Variants in PDZD2 observed in about 807,000 individuals in gnomAD.
PDZD2 encodes the protein PDZ domain-containing protein 2.
Under a neutral mutation model 220.7 loss-of-function variants are expected in PDZD2, and 90 were observed. The observed-to-expected ratio is 0.41, with a 90% confidence interval of 0.34 to 0.49. PDZD2 has a LOEUF of 0.49. Ranked by LOEUF, PDZD2 falls within the 20% of genes least tolerant of loss-of-function variation. The pLI, the probability that PDZD2 is intolerant of heterozygous loss-of-function variation, is 0.28. For synonymous variants in PDZD2, 1,375 were observed against 1,450.5 expected (o/e 0.95, Z 1.18); for missense variants, 3,174 against 3,608.5 (o/e 0.88, Z 3.08).
At chr5:31,748,111 G>A (rs957398347) in intron 1 of PDZD2, 6 of 152,190 alleles carry the variant, frequency 3.9e-5, no homozygotes, top group Non-Finnish European at 8.8e-5. Flanking sequence ...TGTCTAGTTG[G>A]CTGTCTTCCT....
At position 31,646,011 on chromosome 5, in the gene PDZD2, G is replaced by A. The variant is rs1745123364; in HGVS notation, c.-361+6574G>A. ...CTCCGGGCATCCCCAGGCAGCTGGT[G>A]GGAGGAGAGAGGGTGTCAGGGAGCT... On this transcript the variant is annotated intron_variant, in intron 1 of 24. Coordinates refer to ENST00000438447, the MANE Select transcript of PDZD2 (RefSeq NM_178140.4). The surrounding 1 kb of genome is among the most constrained non-coding windows in gnomAD (Gnocchi z 4.7). Among the ~76,000 whole-genome samples, 1 of 146,318 alleles carries A rather than the reference G, an allele frequency of 6.8e-6. No homozygotes were observed. The highest frequency in any genetic ancestry group is 2.3e-4 in the South Asian group (1 of 4,356).
At chr5:31,846,179 G>T (rs969375977) in intron 2 of PDZD2, among the ~76,000 whole-genome samples, 4 of 152,188 alleles carry the variant, frequency 2.6e-5, no homozygotes, top group African/African-American at 7.2e-5. Context: ...TGTTGCCCAG[G>T]CTTGAGTGCA....
intron 3 of PDZD2, among the ~76,000 whole-genome samples, chr5:31,991,628 A>G (rs1469302555): frequency 2.6e-5 from 4 of 152,362 alleles, no homozygotes; most frequent in Non-Finnish European, 5.9e-5. Flanking sequence ...ATATCGTTAT[A>G]TTTAAGTTGG....
intron 3 of PDZD2, among the ~76,000 whole-genome samples, chr5:31,985,099 C>A (rs1216378167): frequency 1.5e-5 from 2 of 133,374 alleles, no homozygotes; most frequent in East Asian, 3.9e-4. Flanking sequence ...TATAAGTTCC[C>A]CCAAAAAGGA....
chr5:31,657,863 A>AG (rs1260762741), intron 1 of PDZD2, among the ~76,000 whole-genome samples: 1 of 152,204 alleles, frequency 6.6e-6, no homozygotes, highest in Non-Finnish European at 1.5e-5. Flanking sequence ...CATTAGTAGA[A>AG]GAGATGTACA....
chr5:31,936,877 C>G (rs1745784519), intron 2 of PDZD2, among the ~76,000 whole-genome samples: 1 of 152,196 alleles, frequency 6.6e-6, no homozygotes, highest in Non-Finnish European at 1.5e-5. Flanking sequence ...TCCATTAAGG[C>G]AGGCTGCCTC....
chr5:31,686,150 G>T (rs1173741655), intron 1 of PDZD2, among the ~76,000 whole-genome samples: 1 of 151,740 alleles, frequency 6.6e-6, no homozygotes, highest in Non-Finnish European at 1.5e-5. Flanking sequence ...CTTGAACCTG[G>T]GAGGCAGAGG....
intron 1 of PDZD2, among the ~76,000 whole-genome samples, chr5:31,693,996 G>A (rs1016521929): frequency 1.2e-4 from 19 of 152,290 alleles, no homozygotes; most frequent in African/African-American, 3.9e-4. Flanking sequence ...CATTAACTGC[G>A]TCATAACTGC....
rs776271275 is a variant in PDZD2, at chr5:31,865,621, C to CTTTTT, written c.476+65923_476+65927dup. 1.6e-4 allele frequency among the ~76,000 whole-genome samples: 11 copies of CTTTTT among 67,798 alleles called. 1 individual carries two copies. The highest frequency in any genetic ancestry group is 4.9e-4 in the African/African-American group (6 of 12,260). 44.5% of individuals were successfully genotyped at this position (67,798 alleles called of 152,430 possible). A position where few individuals can be genotyped will look rare whatever the true frequency, so the allele number is the denominator to read the frequency against. On this transcript the variant is annotated intron_variant, in intron 2 of 24. Coordinates refer to ENST00000438447, the MANE Select transcript of PDZD2 (RefSeq NM_178140.4). ...GCCTGTAATCTGTGTCTACTGGCAACTTTTTTTTTTTTTTTTTTTTTTTTT... is the reference window on the plus strand; with the variant it reads ...GCCTGTAATCTGTGTCTACTGGCAACTTTTTTTTTTTTTTTTTTTTTTTTTTTTTT...
chr5:31,790,060 C>T (rs139359584), intron 1 of PDZD2, among the ~76,000 whole-genome samples: 41 of 152,198 alleles, frequency 2.7e-4, no homozygotes, highest in African/African-American at 9.4e-4. Context: ...GGAAGGAACT[C>T]CTTGTTTATG....
chr5:31,994,661 A>AT lies in PDZD2; in HGVS notation c.979-909dup, dbSNP rs1432978335. Among the ~76,000 whole-genome samples, 16 of 151,456 alleles carry AT rather than the reference A, an allele frequency of 1.1e-4. No homozygotes were observed. The East Asian group carries it at 2.8e-3, about 26-fold the overall frequency. ...CCATGATGCCCAGCTAATTTGTTGT[A>AT]TTTTTTGTAGAGACGGGGTTTCACC... On this transcript the variant is annotated intron_variant, in intron 3 of 24. Coordinates refer to ENST00000438447, the MANE Select transcript of PDZD2 (RefSeq NM_178140.4).
At chr5:32,086,661 G>A (rs1019574320) in intron 19 of PDZD2, among the ~76,000 whole-genome samples, 45 of 136,352 alleles carry the variant, frequency 3.3e-4, no homozygotes, top group African/African-American at 1.0e-3. Flanking sequence ...ACAGAACGCC[G>A]TTTTGTTGTT....
At chr5:31,771,311 GCTAC>G (rs1308466978) in intron 1 of PDZD2, among the ~76,000 whole-genome samples, 1 of 152,216 alleles carries the variant, frequency 6.6e-6, no homozygotes, top group African/African-American at 2.4e-5. Flanking sequence ...TCTTGTGCAT[GCTAC>G]CTGTCATCCC....
At chr5:31,935,731 C>G (rs1190498331) in intron 2 of PDZD2, among the ~76,000 whole-genome samples, 2 of 152,212 alleles carry the variant, frequency 1.3e-5, no homozygotes, top group African/African-American at 4.8e-5. Context: ...CTTCACTGAT[C>G]ATCCTAGCTT....
rs543796027 is a variant in PDZD2, at chr5:31,745,947, G to A, written c.-360-52942G>A. 4.6e-5 allele frequency among the ~76,000 whole-genome samples: 7 copies of A among 152,062 alleles called. No homozygotes were observed. In the East Asian group the frequency reaches 5.8e-4, roughly 13 times the overall value. On this transcript the variant is annotated intron_variant, in intron 1 of 24. Coordinates refer to ENST00000438447, the MANE Select transcript of PDZD2 (RefSeq NM_178140.4). The stretch of plus-strand genomic sequence containing the variant: ...TGAGAGGGACACAAAATAACCTAGC[G>A]AAACTTGATCCATAGAGCCAAGTGG...
intron 2 of PDZD2, among the ~76,000 whole-genome samples, chr5:31,830,836 T>G (rs545864935): frequency 5.3e-5 from 8 of 152,348 alleles, no homozygotes; most frequent in Admixed American, 2.6e-4. Flanking sequence ...GGGAGAAGCC[T>G]TATCCTGCAA....
chr5:31,885,158 C>CAAA (rs397978491), intron 2 of PDZD2, among the ~76,000 whole-genome samples: 23 of 105,256 alleles, frequency 2.2e-4, no homozygotes, highest in African/African-American at 8.0e-4. Context: ...GTGCAAACGG[C>CAAA]AAAAAAAAAA....
At chr5:31,954,350 C>G (rs1359513921) in intron 2 of PDZD2, among the ~76,000 whole-genome samples, 2 of 152,134 alleles carry the variant, frequency 1.3e-5, no homozygotes, top group African/African-American at 4.8e-5. Context: ...AACTGCTTTC[C>G]TCACAGTGAT....
intron 2 of PDZD2, among the ~76,000 whole-genome samples, chr5:31,888,623 T>C (rs1035494024): frequency 1.3e-5 from 2 of 152,116 alleles, no homozygotes; most frequent in Admixed American, 6.5e-5. Flanking sequence ...GCATGTGAAA[T>C]TATTTGAGGG....
Sources: gnomAD v4.1 joint callset for allele counts (sites outside exome capture counted in the v4.1 genomes callset) on GRCh38, gnomAD v4.1.1 for gene constraint, Gnocchi (gnomAD v3.1) non-coding constraint, MANE v1.5 for transcripts, NCBI Gene and HGNC (gene_info 2026-07-23, HGNC 2026-07-21) for gene names.